Variants in GLYR1 observed in about 807,000 individuals in gnomAD.
GLYR1 encodes the protein glyoxylate reductase 1 homolog, also known as cytokine-like nuclear factor N-PAC.
A neutral mutation model predicts 72.7 loss-of-function variants in GLYR1; 21 were observed. The ratio of observed to expected loss-of-function variants is 0.29; its 90% CI spans 0.20 to 0.42. The LOEUF (loss-of-function observed/expected upper bound fraction) is 0.42. GLYR1 is among the 10% of genes least tolerant of loss of function. The probability of loss-of-function intolerance (pLI) is 1.00; values close to 1 mark genes in which losing one functional copy is unlikely to be tolerated. For missense variants in GLYR1, 594 were observed against 712.1 expected (o/e 0.83, Z 1.89); for synonymous variants, 392 against 270.2 (o/e 1.45, Z -4.42).
chr16:4,822,338 T>G (rs1380715848), intron 7 of GLYR1, among the ~76,000 whole-genome samples: 1 of 151,532 alleles, frequency 6.6e-6, no homozygotes, highest in East Asian at 1.9e-4. Context: ...CCACCCGCCT[T>G]GGCCTCCCAA....
At chr16:4,836,357 TTTCC>T (rs1224173787) in intron 3 of GLYR1, among the ~76,000 whole-genome samples, 31 of 152,364 alleles carry the variant, frequency 2.0e-4, no homozygotes, top group African/African-American at 7.2e-4. Context: ...TGACTGTTTC[TTTCC>T]TTGATAGAAG....
intron 9 of GLYR1, among the ~76,000 whole-genome samples, chr16:4,819,744 A>G (rs1355143436): frequency 6.6e-6 from 1 of 152,218 alleles, no homozygotes; most frequent in East Asian, 1.9e-4. Flanking sequence ...CAGCTGGAAT[A>G]TCAGCTGCTC....
At chr16:4,827,442 T>C (rs1354615278) in intron 5 of GLYR1, among the ~76,000 whole-genome samples, 1 of 152,244 alleles carries the variant, frequency 6.6e-6, no homozygotes, top group East Asian at 1.9e-4. Context: ...TGCTCATACG[T>C]CCTTTCACTA....
At chr16:4,822,758 G>A (rs1044065711) in intron 7 of GLYR1, 117 bp downstream of exon 7, 108 of 830,886 alleles carry the variant, frequency 1.3e-4, no homozygotes, top group Non-Finnish European at 1.7e-4. Flanking sequence ...TGGGCTAGTT[G>A]CTCTGGGCAA....
chr16:4,845,974 G>A (rs1004488730), intron 2 of GLYR1, among the ~76,000 whole-genome samples, 200 bp downstream of exon 2: 1 of 152,146 alleles, frequency 6.6e-6, no homozygotes. Flanking sequence ...CAGAAATAAG[G>A]GTTTAGAGAA....
At chr16:4,841,984 G>A (rs1379251570) in intron 3 of GLYR1, among the ~76,000 whole-genome samples, 1 of 152,166 alleles carries the variant, frequency 6.6e-6, no homozygotes, top group East Asian at 1.9e-4. Flanking sequence ...GCTCACGCCT[G>A]TAATCCCAGC....
At chr16:4,817,309 C>T (rs540520733) in intron 10 of GLYR1, among the ~76,000 whole-genome samples, 35 of 151,808 alleles carry the variant, frequency 2.3e-4, no homozygotes, top group African/African-American at 8.0e-4. Flanking sequence ...TAAGTAGAGA[C>T]GGGGTTTCAC....
chr16:4,819,449 T>C (rs759357044), intron 9 of GLYR1, among the ~76,000 whole-genome samples: 7 of 152,102 alleles, frequency 4.6e-5, no homozygotes, highest in Non-Finnish European at 8.8e-5. Context: ...GCTAGGACTA[T>C]AGGTGCATGC....
intron 15 of GLYR1, among the ~76,000 whole-genome samples, chr16:4,808,984 G>A (rs978105347): frequency 2.6e-5 from 4 of 152,052 alleles, no homozygotes; most frequent in South Asian, 2.1e-4. Flanking sequence ...AAAAGTGCAC[G>A]TGTTAAGTGC....
intron 5 of GLYR1, among the ~76,000 whole-genome samples, chr16:4,830,917 G>C (rs1286241801): frequency 1.3e-5 from 2 of 151,954 alleles, no homozygotes; most frequent in African/African-American, 4.8e-5. Flanking sequence ...TCCACTGCCC[G>C]GACTCAACTA....
Position 4,805,292 on chromosome 16 carries a change from C to T in GLYR1, c.1606G>A (p.Ala536Thr), listed in dbSNP as rs1184685774. The change falls in exon 16 of 16, where the codon GCG (alanine) becomes ACG (threonine). Residue 536 changes from alanine to threonine, a missense_variant. Transcript: ENST00000321919. ...AANEVYKRAK[A>T]LDQSDNDMSA... ...ATATCGTTGTCAGACTGGTCCAGCGCCTTGGCTCTTTTGTACACCTGGAAA... is the reference window on the plus strand; with the variant it reads ...ATATCGTTGTCAGACTGGTCCAGCGTCTTGGCTCTTTTGTACACCTGGAAA... 2 of 1,613,902 alleles carry T rather than the reference C, an allele frequency of 1.2e-6. No individual in the cohort carries two copies. Among genetic ancestry groups the T allele is most frequent in the Admixed American group, 1.7e-5 (1 of 60,006 alleles).
chr16:4,822,125 C>G (rs939951451), intron 7 of GLYR1, among the ~76,000 whole-genome samples: 1 of 152,248 alleles, frequency 6.6e-6, no homozygotes, highest in African/African-American at 2.4e-5. Flanking sequence ...CTCGCTCTGT[C>G]GCCCAGGCTG....
chr16:4,812,003 C>T (rs1193263300), intron 13 of GLYR1, 83 bp downstream of exon 13: 15 of 1,516,050 alleles, frequency 9.9e-6, no homozygotes, highest in South Asian at 2.6e-5. Context: ...GCAGAAAGGC[C>T]GTGTGGGACT....
In GLYR1 at chr16:4,837,700, A is replaced by C. The variant is rs553184899; in HGVS notation, c.156-4788T>G. ...CACGGTAGCTCACGCCTATAATCCT[A>C]GCACTTTGGGAGGCCGAGGTCAAGA... On this transcript the variant is annotated intron_variant, in intron 3 of 15. Transcript: ENST00000321919. Among the ~76,000 whole-genome samples, 43 of 152,174 alleles carry C rather than the reference A, an allele frequency of 2.8e-4. No individual in the cohort carries two copies. In the South Asian group the frequency reaches 8.7e-3, roughly 31 times the overall value.
intron 14 of GLYR1, 88 bp downstream of exon 14, chr16:4,811,535 G>T: frequency 6.7e-7 from 1 of 1,491,748 alleles, no homozygotes; most frequent in South Asian, 1.2e-5. Flanking sequence ...ACTGGGGAGG[G>T]GCATCTTTCA....
At chr16:4,815,820 C>T (rs1334206527) in intron 10 of GLYR1, among the ~76,000 whole-genome samples, 4 of 151,844 alleles carry the variant, frequency 2.6e-5, no homozygotes, top group South Asian at 2.1e-4. Context: ...GTCTCGCTGT[C>T]GCCCAGGATG....
At chr16:4,845,478 A>G (rs1185991050) in intron 2 of GLYR1, among the ~76,000 whole-genome samples, 1 of 152,148 alleles carries the variant, frequency 6.6e-6, no homozygotes, top group Non-Finnish European at 1.5e-5. Flanking sequence ...GATCAACAGC[A>G]TCCCCTGCCC....
At chr16:4,843,876 G>A (rs2085745994) in intron 3 of GLYR1, 1 of 198,320 alleles carries the variant, frequency 5.0e-6, no homozygotes. Flanking sequence ...GGGTTGGGGG[G>A]GGGAGGGGCA....
Position 4,831,965 on chromosome 16 carries a change from G to C in GLYR1, c.537+14C>G, listed in dbSNP as rs377675780. On this transcript the variant is annotated intron_variant, in intron 5 of 15. Transcript: ENST00000321919. ...GACATCACTAATCCCGGAAGCTGCA[G>C]AGAGAAAACAAACCTTCTCATCCTT... 16 of 1,610,194 alleles carry C rather than the reference G, an allele frequency of 9.9e-6. No homozygotes were observed. Among genetic ancestry groups the C allele is most frequent in the African/African-American group, 1.3e-5 (1 of 74,572 alleles).
Sources: gnomAD v4.1 joint callset for allele counts (sites outside exome capture counted in the v4.1 genomes callset) on GRCh38, gnomAD v4.1.1 for gene constraint, MANE v1.5 for transcripts, NCBI Gene and HGNC (gene_info 2026-07-23, HGNC 2026-07-21) for gene names.